MGAM: variants seen among roughly 807,000 people sequenced by gnomAD.
MGAM encodes alpha-1,4-glucosidase.
Under a neutral mutation model 358.8 loss-of-function variants are expected in MGAM, and 253 were observed. The ratio of observed to expected loss-of-function variants is 0.71; its 90% confidence interval spans 0.64 to 0.78. MGAM has a LOEUF of 0.78. Ranked by LOEUF, MGAM falls within the 30% of genes least tolerant of loss-of-function variation. The probability of loss-of-function intolerance (pLI) is 0.00; values close to 1 mark genes in which losing one functional copy is unlikely to be tolerated. For synonymous variants in MGAM, 1,105 were observed against 1,227.1 expected, an observed-to-expected ratio of 0.90 and a Z score of 2.08; for missense variants, 3,080 against 3,432.6, an observed-to-expected ratio of 0.90 and a Z score of 2.57.
chr7:141,994,699 G>A (rs1343086764), upstream of MGAM, among the ~76,000 whole-genome samples: 13 of 152,152 alleles, frequency 8.5e-5, no homozygotes, highest in East Asian at 3.9e-4. Context: ...TCATGGGGGC[G>A]GATCCCCCTA....
At chr7:142,056,239 C>T (rs1471024823) in intron 29 of MGAM, 143 bp downstream of exon 29, 5 of 778,994 alleles carry the variant, frequency 6.4e-6, no homozygotes, top group Non-Finnish European at 1.0e-5. Context: ...TGTGTTTAGC[C>T]TTTCTGTTTA....
chr7:142,060,234 G>T (rs2129039261), intron 33 of MGAM, 77 bp from the exon 34 acceptor site: 1 of 1,568,738 alleles, frequency 6.4e-7, no homozygotes, highest in Admixed American at 1.7e-5. Context: ...AGCACGGTTT[G>T]TATAACAATT....
In MGAM at chr7:142,027,029, T is replaced by G. The variant is rs10282365; in HGVS notation, c.983-86T>G. 10,232 of 1,008,426 alleles carry G rather than the reference T, an allele frequency of 0.01. 687 individuals are homozygous for G. The African/African-American group carries it at 0.14, about 14-fold the overall frequency. The allele number at this position is 1,008,426 out of a possible 1,614,324, so 62.5% of individuals were successfully genotyped here. On this transcript the variant is annotated intron_variant, in intron 8 of 70. Transcript: ENST00000475668. ...GTCACCTTGTTAATGTTCACATGGTTAGTGATCCTGTGTTATTTTAAAACT... is the reference window on the plus strand; with the variant it reads ...GTCACCTTGTTAATGTTCACATGGTGAGTGATCCTGTGTTATTTTAAAACT...
Position 142,030,746 on chromosome 7 carries a change from C to T in MGAM, c.1459C>T (p.Leu487Phe). 6.2e-7 allele frequency: 1 copy of T among 1,604,266 alleles called. No individual in the cohort carries two copies. Among genetic ancestry groups the T allele is most frequent in the Non-Finnish European group, 8.5e-7 (1 of 1,171,232 alleles). Residue 487 changes from leucine to phenylalanine, a missense_variant, in exon 12 of 71, where the codon CTC (leucine) becomes TTC (phenylalanine). By Grantham distance (22) the Leu-to-Phe change is conservative. Around this residue, in one of 5 missense-constraint regions of MGAM, gnomAD observed 1,816 missense variants for 1,840.5 expected, o/e 0.99. Coordinates refer to ENST00000475668, the MANE Select transcript of MGAM (RefSeq NM_001365693.1). ...WVNSSDGVTP[L>F]IGEVWPGQTV... is the part of the protein sequence containing the mutation. Reference sequence around the variant, plus strand: ...GAATAGTTCAGATGGAGTGACTCCACTCATTGGGGAGGTAACTTAATGGGA... The same window carrying T: ...GAATAGTTCAGATGGAGTGACTCCATTCATTGGGGAGGTAACTTAATGGGA...
chr7:142,103,184 T>C, intron 69 of MGAM, 85 bp from the exon 70 acceptor site: 1 of 1,124,812 alleles, frequency 8.9e-7, no homozygotes, highest in Non-Finnish European at 1.2e-6. Context: ...TCTTACTTTA[T>C]GACCTACATT....
chr7:142,056,875 G>C lies in MGAM; in HGVS notation c.3626G>C (p.Gly1209Ala). 6.2e-7 allele frequency: 1 copy of C among 1,613,824 alleles called. No homozygotes were observed. Among genetic ancestry groups the C allele is most frequent in the South Asian group, 1.1e-5 (1 of 91,068 alleles). Residue 1209 changes from glycine (G) to alanine (A), a missense_variant, in exon 30 of 71, where the codon GGG becomes GCG. Physicochemically the swap from Gly to Ala is moderately conservative, Grantham distance 60. Transcript: ENST00000475668. The stretch of plus-strand genomic sequence containing the variant: ...CCTGCCTTGACATACCGCACCACAG[G>C]GGGAGTTCTGGACTTTTATGTGTTC... ...PLPALTYRTT[G>A]GVLDFYVFLG...
chr7:142,041,994 ATATATTATATATATAATATAAT>A (rs1328146653), intron 21 of MGAM, among the ~76,000 whole-genome samples: 173 of 14,284 alleles, frequency 0.012, 19 homozygotes, highest in African/African-American at 0.041. Context: ...TATAATATAT[ATATATTATATATATAATATAAT>A]ATATATATAT....
chr7:142,099,602 T>C lies in MGAM; in HGVS notation c.7750-11T>C, dbSNP rs200820310. ...TCTCCTTAGTCATCTCTTACCTTCT[T>C]CTGCCTCCAGGGTGTGGATATTAAT... On this transcript the variant is annotated splice_polypyrimidine_tract_variant and intron_variant, in intron 66 of 70. Transcript: ENST00000475668. 6 of 1,613,714 alleles carry C rather than the reference T, an allele frequency of 3.7e-6. No individual in the cohort carries two copies. Among genetic ancestry groups the C allele is most frequent in the Non-Finnish European group, 5.1e-6 (6 of 1,179,774 alleles).
At chr7:142,021,136 A>G in intron 5 of MGAM, 53 bp downstream of exon 5, 1 of 1,297,682 alleles carries the variant, frequency 7.7e-7, no homozygotes, top group East Asian at 2.4e-5. Flanking sequence ...TTTATTCCCT[A>G]TCGGATGAGT....
Position 142,039,025 on chromosome 7 carries a change from A to C in MGAM, c.2316+410A>C, listed in dbSNP as rs1808263787. 2.0e-5 allele frequency among the ~76,000 whole-genome samples: 3 copies of C among 151,640 alleles called. 1 individual carries two copies. In the South Asian group the frequency reaches 6.3e-4, roughly 32 times the overall value. ...GGGAGGCCTCAGGAAGCTTACAGTC[A>C]TGGAGGAAGGTGAAGAGGAGCAGCG... On this transcript the variant is annotated intron_variant, in intron 19 of 70. Coordinates refer to ENST00000475668, the MANE Select transcript of MGAM (RefSeq NM_001365693.1).
intron 2 of MGAM, 29 bp from the exon 3 acceptor site, chr7:142,008,477 T>C (rs782483464): frequency 1.3e-6 from 2 of 1,573,044 alleles, no homozygotes; most frequent in East Asian, 2.3e-5. Flanking sequence ...ATTTGTCTAA[T>C]GGTCTTTTTA....
chr7:142,058,416 C>T (rs1811768973), intron 31 of MGAM, 88 bp downstream of exon 31: 1 of 1,569,372 alleles, frequency 6.4e-7, no homozygotes, highest in East Asian at 2.2e-5. Context: ...TGTTGGATTC[C>T]ATAAAGACAT....
intron 58 of MGAM, among the ~76,000 whole-genome samples, 159 bp from the exon 59 acceptor site, chr7:142,092,362 T>A (rs185798008): frequency 6.9e-6 from 1 of 145,984 alleles, no homozygotes; most frequent in Non-Finnish European, 1.6e-5. Context: ...TGAATTCATC[T>A]TTCTAGCCAG....
Position 142,030,446 on chromosome 7 carries a change from T to C in MGAM, c.1306T>C (p.Phe436Leu). ...DSVDFKGFPE[F>L]VNELHNNGQK... ...AGTGGATTTTAAAGGCTTCCCTGAA[T>C]TTGTCAACGAGTTACACAATAATGG... The change falls in exon 11 of 71, where the codon TTT becomes CTT. Residue 436 changes from phenylalanine to leucine, a missense_variant. This residue lies in a region of MGAM where 1,816 missense variants were observed against 1,840.5 expected (regional missense o/e 0.99). Transcript: ENST00000475668. 1 of 1,613,682 alleles carries C rather than the reference T, an allele frequency of 6.2e-7. No individual in the cohort carries two copies. The highest frequency in any genetic ancestry group is 8.5e-7 in the Non-Finnish European group (1 of 1,179,742).
At position 142,074,857 on chromosome 7, in the gene MGAM, G is replaced by T. The variant is rs571459882; in HGVS notation, c.5275+684G>T. On this transcript the variant is annotated intron_variant, in intron 45 of 70. Transcript: ENST00000475668. ...AATATATTTAAGGTGGACGATGTGAGGATTTAATATATGTAGGCATAGTAT... is the reference window on the plus strand; with the variant it reads ...AATATATTTAAGGTGGACGATGTGATGATTTAATATATGTAGGCATAGTAT... Among the ~76,000 whole-genome samples, 44 of 146,444 alleles carry T rather than the reference G, an allele frequency of 3.0e-4. 2 individuals carry two copies. The highest frequency in any genetic ancestry group is 1.0e-3 in the African/African-American group (43 of 41,246).
intron 48 of MGAM, 55 bp downstream of exon 48, chr7:142,078,525 T>G (rs563935397): frequency 6.9e-7 from 1 of 1,445,906 alleles, no homozygotes; most frequent in South Asian, 1.3e-5. Flanking sequence ...TAATCTATAG[T>G]TTCTTAAGCA....
At chr7:142,001,648 T>C (rs1554450657) in intron 1 of MGAM, among the ~76,000 whole-genome samples, 1 of 152,142 alleles carries the variant, frequency 6.6e-6, no homozygotes. Flanking sequence ...TCCCAGGCAA[T>C]GCATGAGTCA....
intron 65 of MGAM, 64 bp from the exon 66 acceptor site, chr7:142,097,529 T>C: frequency 6.8e-7 from 1 of 1,474,232 alleles, no homozygotes; most frequent in Non-Finnish European, 9.5e-7. Flanking sequence ...CTTTCCTAAG[T>C]ATTTTGGTTT....
At chr7:142,030,921 T>A (rs148555614) in intron 12 of MGAM, among the ~76,000 whole-genome samples, 164 bp downstream of exon 12, 1 of 152,168 alleles carries the variant, frequency 6.6e-6, no homozygotes, top group East Asian at 1.9e-4. Flanking sequence ...CATGCCCAAG[T>A]GCAAGCCGGC....
Sources: allele counts gnomAD v4.1 joint callset (sites outside exome capture counted in the v4.1 genomes callset), GRCh38; gene constraint gnomAD v4.1.1; regional missense constraint gnomAD v4.1.1; transcripts MANE v1.5; gene names NCBI Gene and HGNC (gene_info 2026-07-23, HGNC 2026-07-21).